The following OPRM1 variants were observed in gnomAD, a reference collection of about 807,000 sequenced individuals.
The protein encoded by OPRM1 is opioid receptor mu 1.
In OPRM1, 27 loss-of-function variants were observed where a neutral mutation model predicts 31.8. That is an observed-to-expected ratio of 0.85 (90% CI 0.63 to 1.17). The LOEUF (loss-of-function observed/expected upper bound fraction) is 1.17. Among genes scored for constraint, OPRM1 ranks in the 50% most tolerant of loss-of-function variants. OPRM1 has a pLI of 0.00. For synonymous variants in OPRM1, 196 were observed against 189.9 expected (o/e 1.03, Z -0.26); for missense variants, 536 against 511.1 (o/e 1.05, Z -0.47).
intron 3 of OPRM1, among the ~76,000 whole-genome samples, chr6:154,195,331 T>A (rs532257363): frequency 6.6e-6 from 1 of 152,064 alleles, no homozygotes; most frequent in South Asian, 2.1e-4. Flanking sequence ...GTGTTTTTAA[T>A]AGAGATGGGG....
At chr6:154,037,358 T>TAAA (rs772557966), upstream of OPRM1, among the ~76,000 whole-genome samples, 3 of 124,294 alleles carry the variant, frequency 2.4e-5, no homozygotes, top group Non-Finnish European at 3.5e-5. Context: ...AAAATAAAAC[T>TAAA]AAAAAAAAAA....
At position 154,118,734 on chromosome 6, in the gene OPRM1, C is replaced by A. The variant is rs776998468; in HGVS notation, c.*13C>A. 39 of 1,612,802 alleles carry A rather than the reference C, an allele frequency of 2.4e-5. No homozygotes were observed. In the South Asian group the frequency reaches 4.1e-4, roughly 17 times the overall value. ...TCCGTTGCCCTAACAGGGTCTCATG[C>A]CATTCCGACCTTCACCAAGCTTAGA... On this transcript the variant is annotated 3_prime_UTR_variant, in exon 4 of 4. Coordinates refer to ENST00000330432, the MANE Select transcript of OPRM1 (RefSeq NM_000914.5).
At chr6:154,029,338 T>C (rs948552357) in intron 1 of OPRM1, among the ~76,000 whole-genome samples, 2 of 152,240 alleles carry the variant, frequency 1.3e-5, no homozygotes, top group Admixed American at 1.3e-4. Context: ...AATGGTCATT[T>C]TGTAAGATTA....
chr6:154,223,603 T>G (rs1428387835), intron 3 of OPRM1, among the ~76,000 whole-genome samples: 11 of 152,234 alleles, frequency 7.2e-5, no homozygotes, highest in Admixed American at 7.2e-4. Context: ...GCATCTTCTA[T>G]TCCTACGACT....
At chr6:154,189,562 A>G (rs1383230905) in intron 3 of OPRM1, among the ~76,000 whole-genome samples, 1 of 152,248 alleles carries the variant, frequency 6.6e-6, no homozygotes, top group East Asian at 1.9e-4. Context: ...CAAGATAGCT[A>G]GAAGATTTTG....
intron 3 of OPRM1, among the ~76,000 whole-genome samples, chr6:154,145,452 T>C (rs2128539578): frequency 6.6e-6 from 1 of 152,328 alleles, no homozygotes; most frequent in Middle Eastern, 3.4e-3. Flanking sequence ...AATACAAACA[T>C]ACAGGACTCA....
intron 3 of OPRM1, among the ~76,000 whole-genome samples, chr6:154,240,694 C>T (rs899269593): frequency 1.3e-5 from 2 of 152,156 alleles, no homozygotes. Context: ...AAGAAATATG[C>T]CTTCCAAAGA....
chr6:154,089,879 CA>C lies in OPRM1; in HGVS notation c.345del (p.Asp116MetfsTer3). The C allele has an allele frequency of 6.2e-7, 1 of 1,614,088 alleles. No individual in the cohort carries two copies. Among genetic ancestry groups the C allele is most frequent in the South Asian group, 1.1e-5 (1 of 91,074 alleles). On this transcript the variant is annotated frameshift_variant, in exon 2 of 4. Transcript: ENST00000330432. LOFTEE classifies it high-confidence loss of function. ...TNIYIFNLAL[A>X]DALATSTLPF... ...ATCTACATTTTCAACCTTGCTCTGG[CA>C]GATGCCTTAGCCACCAGTACCCTGC...
intron 3 of OPRM1, among the ~76,000 whole-genome samples, chr6:154,092,229 A>G (rs543099465): frequency 6.6e-6 from 1 of 152,312 alleles, no homozygotes; most frequent in East Asian, 1.9e-4. Flanking sequence ...ACACACTATT[A>G]TAATCATATG....
At chr6:154,035,481 C>T (rs911743838), upstream of OPRM1, among the ~76,000 whole-genome samples, 5 of 152,112 alleles carry the variant, frequency 3.3e-5, no homozygotes, top group African/African-American at 1.2e-4. Flanking sequence ...TAAACAAATA[C>T]ATAAAATGTT....
At chr6:154,031,760 A>G (rs1779022632) in intron 1 of OPRM1, among the ~76,000 whole-genome samples, 1 of 152,162 alleles carries the variant, frequency 6.6e-6, no homozygotes, top group Non-Finnish European at 1.5e-5. Context: ...TAATAATAAA[A>G]ATAAAATGTT....
rs1007782144 is a variant in OPRM1 at position 154,124,185 on chromosome 6, A to AT, written c.*5469dup. 5.3e-5 allele frequency among the ~76,000 whole-genome samples: 8 copies of AT among 152,318 alleles called. No homozygotes were observed. Among genetic ancestry groups the AT allele is most frequent in the Admixed American group, 2.6e-4 (4 of 15,296 alleles). On this transcript the variant is annotated 3_prime_UTR_variant, in exon 4 of 4. Transcript: ENST00000330432. ...AATATTGAATAAATGCAGTGTATAC[A>AT]TTTTTAAAGGAATTTTAAGAGCTCG...
chr6:154,224,429 T>G (rs555546908), intron 3 of OPRM1, among the ~76,000 whole-genome samples: 2 of 152,304 alleles, frequency 1.3e-5, no homozygotes, highest in African/African-American at 4.8e-5. Flanking sequence ...AACTCAAGGC[T>G]GGGTGCAGTG....
At chr6:154,204,287 G>A (rs1777308536) in intron 3 of OPRM1, among the ~76,000 whole-genome samples, 1 of 152,012 alleles carries the variant, frequency 6.6e-6, no homozygotes, top group African/African-American at 2.4e-5. Flanking sequence ...AGTTTAAAAT[G>A]GCCACCCAAA....
In OPRM1 at chr6:154,119,526, C is replaced by T; in HGVS notation, c.*805C>T. The T allele has an allele frequency of 1.4e-6, 1 of 718,802 alleles. No homozygotes were observed. Among genetic ancestry groups the T allele is most frequent in the Middle Eastern group, 7.1e-4 (1 of 1,418 alleles). 44.5% of individuals were successfully genotyped at this position (718,802 alleles called of 1,614,324 possible). ...CACAAAAGGTAATAGTCAATGAGCT[C>T]ATCACTTCATCCATGCAGGAAGTCA... On this transcript the variant is annotated 3_prime_UTR_variant, in exon 4 of 4. Coordinates refer to ENST00000330432, the MANE Select transcript of OPRM1 (RefSeq NM_000914.5).
intron 1 of OPRM1, among the ~76,000 whole-genome samples, chr6:154,061,794 T>A (rs2128437212): frequency 6.6e-6 from 1 of 150,912 alleles, no homozygotes; most frequent in African/African-American, 2.4e-5. Flanking sequence ...GTAATAAACC[T>A]GCACATGTAC....
intron 3 of OPRM1, among the ~76,000 whole-genome samples, chr6:154,174,382 T>A (rs1463515568): frequency 6.6e-6 from 1 of 152,132 alleles, no homozygotes; most frequent in African/African-American, 2.4e-5. Flanking sequence ...ACTGGCAAAT[T>A]GGATAGAGTC....
intron 3 of OPRM1, among the ~76,000 whole-genome samples, chr6:154,117,648 T>C (rs186904597): frequency 6.6e-6 from 1 of 152,270 alleles, no homozygotes; most frequent in East Asian, 1.9e-4. Context: ...TGTGCTTTCT[T>C]AATTGCCTGT....
At chr6:154,160,133 T>C (rs1798887196) in intron 3 of OPRM1, 5 of 911,776 alleles carry the variant, frequency 5.5e-6, no homozygotes, top group African/African-American at 1.7e-5. Flanking sequence ...AGTACACATA[T>C]ACATAAAATT....
Sources: gnomAD v4.1 joint callset for allele counts (sites outside exome capture counted in the v4.1 genomes callset) on GRCh38, gnomAD v4.1.1 for gene constraint, MANE v1.5 for transcripts, NCBI Gene and HGNC (gene_info 2026-07-23, HGNC 2026-07-21) for gene names.